Variants in TBC1D32 observed in about 807,000 individuals in gnomAD.
The protein encoded by TBC1D32 is TBC1 domain family member 32.
TBC1D32 carries 151 observed loss-of-function variants against 170.3 expected under a neutral mutation model. That is an observed-to-expected ratio of 0.89 (90% CI 0.78 to 1.01). The LOEUF (loss-of-function observed/expected upper bound fraction) is 1.01, where lower values mean the gene tolerates loss of function less well. TBC1D32 is among the 50% of genes least tolerant of loss of function. The pLI is 0.00. For missense variants in TBC1D32, 1,464 were observed against 1,457.1 expected, an observed-to-expected ratio of 1.00 and a Z score of -0.08; for synonymous variants, 498 against 488.0, an observed-to-expected ratio of 1.02 and a Z score of -0.27.
intron 22 of TBC1D32, among the ~76,000 whole-genome samples, chr6:121,175,779 T>A (rs763379647): frequency 1.2e-4 from 19 of 152,106 alleles, no homozygotes; most frequent in Non-Finnish European, 2.4e-4. Flanking sequence ...CCCATTAAAG[T>A]CATCAGGAAG....
Position 121,208,209 on chromosome 6 carries a change from T to C in TBC1D32, c.2482-3046A>G, listed in dbSNP as rs1583218091. Among the ~76,000 whole-genome samples the C allele has an allele frequency of 2.0e-5, 3 of 152,014 alleles. No homozygotes were observed. The South Asian group carries it at 6.2e-4, about 32-fold the overall frequency. On this transcript the variant is annotated intron_variant, in intron 21 of 31. Transcript: ENST00000398212. ...TGCAGAGGTTAAGAGTCTTGAGGTA[T>C]GTATTAGCCCATTCTCACGCTGTTA...
At chr6:121,143,215 C>T (rs1487535863) in intron 24 of TBC1D32, among the ~76,000 whole-genome samples, 1 of 151,940 alleles carries the variant, frequency 6.6e-6, no homozygotes, top group East Asian at 1.9e-4. Context: ...TGTGATGATC[C>T]ATACATATAC....
Position 121,239,143 on chromosome 6 carries a change from T to C in TBC1D32, c.2291A>G (p.Tyr764Cys), listed in dbSNP as rs755074542. The C allele has an allele frequency of 6.2e-7, 1 of 1,604,690 alleles. No homozygotes were observed. The highest frequency in any genetic ancestry group is 1.1e-5 in the South Asian group (1 of 89,828). ...LITELWSNLE[Y>C]GRDDVRVTHP... is the part of the protein sequence containing the mutation. ...GGTTACCCTAACATCATCTCTTCCATATTCCAGATTGGACCATAATTCAGT... is the reference window on the plus strand; with the variant it reads ...GGTTACCCTAACATCATCTCTTCCACATTCCAGATTGGACCATAATTCAGT... The change falls in exon 20 of 32, where the codon TAT becomes TGT. Residue 764 changes from tyrosine to cysteine, a missense_variant. By Grantham distance (194) the Tyr-to-Cys change is radical. Around this residue, in one of 3 missense-constraint regions of TBC1D32, gnomAD observed 1,363 missense variants for 1,338.1 expected, o/e 1.02. Coordinates refer to ENST00000398212, the MANE Select transcript of TBC1D32 (RefSeq NM_152730.6).
intron 1 of TBC1D32, among the ~76,000 whole-genome samples, chr6:121,326,427 A>C (rs1810470117): frequency 6.6e-6 from 1 of 152,202 alleles, no homozygotes; most frequent in South Asian, 2.1e-4. Flanking sequence ...TCTGACCGCT[A>C]TACATGTATG....
At chr6:121,267,964 C>A (rs1800773166) in intron 15 of TBC1D32, among the ~76,000 whole-genome samples, 1 of 152,172 alleles carries the variant, frequency 6.6e-6, no homozygotes, top group Non-Finnish European at 1.5e-5. Flanking sequence ...TGCTGTTCTG[C>A]AGCCTCCACT....
In TBC1D32 at chr6:121,151,868, A is replaced by G. The variant is rs143043929; in HGVS notation, c.2773+8142T>C. On this transcript the variant is annotated intron_variant, in intron 24 of 31. Coordinates refer to ENST00000398212, the MANE Select transcript of TBC1D32 (RefSeq NM_152730.6). The stretch of plus-strand genomic sequence containing the variant: ...CCATTTGCCTGGTAAATCTTCGTCC[A>G]TGCCTTTATTTTGAGCCTATGTGTG... Among the ~76,000 whole-genome samples the G allele has an allele frequency of 3.9e-4, 59 of 152,238 alleles. No individual in the cohort carries two copies. The East Asian group carries it at 8.3e-3, about 21-fold the overall frequency.
At position 121,205,166 on chromosome 6, in the gene TBC1D32, G is replaced by A. The variant is rs750335263; in HGVS notation, c.2482-3C>T. Reference sequence around the variant, plus strand: ...ATTATAAGTCTATCAATAATATCCTGAAAAAGACAGACAAAATGAGACTGT... The same window carrying A: ...ATTATAAGTCTATCAATAATATCCTAAAAAAGACAGACAAAATGAGACTGT... On this transcript the variant is annotated splice_region_variant and splice_polypyrimidine_tract_variant and intron_variant, in intron 21 of 31. Transcript: ENST00000398212. 2 of 1,348,722 alleles carry A rather than the reference G, an allele frequency of 1.5e-6. No individual in the cohort carries two copies. Among genetic ancestry groups the A allele is most frequent in the South Asian group, 1.4e-5 (1 of 71,220 alleles). 83.5% of individuals were successfully genotyped at this position (1,348,722 alleles called of 1,614,324 possible).
intron 21 of TBC1D32, among the ~76,000 whole-genome samples, chr6:121,220,602 T>C (rs910222755): frequency 6.6e-6 from 1 of 151,990 alleles, no homozygotes; most frequent in Non-Finnish European, 1.5e-5. Context: ...GCTAAGATAA[T>C]TGATGAAGTT....
intron 20 of TBC1D32, among the ~76,000 whole-genome samples, chr6:121,224,660 C>A (rs2128331342): frequency 6.6e-6 from 1 of 152,178 alleles, no homozygotes; most frequent in South Asian, 2.1e-4. Flanking sequence ...CACTATTTGA[C>A]ACCGACACCC....
chr6:121,168,252 C>G (rs912004335), intron 22 of TBC1D32, among the ~76,000 whole-genome samples: 2 of 131,858 alleles, frequency 1.5e-5, no homozygotes, highest in African/African-American at 3.0e-5. Flanking sequence ...GCTATAAAGA[C>G]ACATGCACAC....
At chr6:121,109,817 T>C (rs936511090) in intron 29 of TBC1D32, among the ~76,000 whole-genome samples, 1 of 152,194 alleles carries the variant, frequency 6.6e-6, no homozygotes, top group Non-Finnish European at 1.5e-5. Flanking sequence ...TTTTCATTAC[T>C]TCCTGTTTTG....
intron 27 of TBC1D32, 83 bp from the exon 28 acceptor site, chr6:121,113,260 T>A (rs1779370860): frequency 1.2e-6 from 1 of 817,468 alleles, no homozygotes; most frequent in South Asian, 1.8e-5. Context: ...CATAACTATG[T>A]TATACAGAGC....
At chr6:121,120,780 A>G (rs1780176458) in intron 26 of TBC1D32, among the ~76,000 whole-genome samples, 1 of 152,042 alleles carries the variant, frequency 6.6e-6, no homozygotes, top group Non-Finnish European at 1.5e-5. Flanking sequence ...TACCTAATTT[A>G]AAAGAGGTGA....
intron 30 of TBC1D32, among the ~76,000 whole-genome samples, chr6:121,092,811 A>G (rs1776971990): frequency 6.6e-6 from 1 of 152,148 alleles, no homozygotes; most frequent in Admixed American, 6.5e-5. Flanking sequence ...TACTTCTTTA[A>G]AGGCCCTATT....
intron 12 of TBC1D32, among the ~76,000 whole-genome samples, chr6:121,284,439 C>T (rs917553016): frequency 1.3e-5 from 2 of 152,042 alleles, no homozygotes; most frequent in African/African-American, 4.8e-5. Context: ...TGGCTATTTT[C>T]CAATAAAACT....
intron 25 of TBC1D32, 88 bp from the exon 26 acceptor site, chr6:121,126,549 A>T (rs1780876200): frequency 2.2e-6 from 2 of 926,520 alleles, no homozygotes; most frequent in Admixed American, 4.1e-5. Context: ...AGTAGGTAAA[A>T]GTCATCTGAA....
chr6:121,160,859 A>T, intron 23 of TBC1D32, 89 bp downstream of exon 23: 1 of 905,320 alleles, frequency 1.1e-6, no homozygotes, highest in Non-Finnish European at 1.8e-6. Flanking sequence ...GACATTTAAG[A>T]GGTAAAGTTT....
intron 30 of TBC1D32, among the ~76,000 whole-genome samples, chr6:121,095,052 C>T (rs187531190): frequency 6.6e-6 from 1 of 151,954 alleles, no homozygotes; most frequent in African/African-American, 2.4e-5. Context: ...GAAAAAAATG[C>T]TATTATCAAT....
chr6:121,097,301 G>A (rs1323729203), intron 30 of TBC1D32, among the ~76,000 whole-genome samples: 1 of 152,096 alleles, frequency 6.6e-6, no homozygotes, highest in African/African-American at 2.4e-5. Context: ...CTATCCATCT[G>A]ACAGAGGGCT....
Sources: allele counts gnomAD v4.1 joint callset (sites outside exome capture counted in the v4.1 genomes callset), GRCh38; gene constraint gnomAD v4.1.1; regional missense constraint gnomAD v4.1.1; transcripts MANE v1.5; gene names NCBI Gene and HGNC (gene_info 2026-07-23, HGNC 2026-07-21).